Variants in TRDN observed in about 807,000 individuals in gnomAD.
The protein encoded by TRDN is triadin in skeletal muscle.
Under a neutral mutation model 149.7 loss-of-function variants are expected in TRDN, and 161 were observed. That is an observed-to-expected ratio of 1.08 (90% CI 0.95 to 1.23). The LOEUF (loss-of-function observed/expected upper bound fraction) is 1.23. TRDN is among the 50% of genes most tolerant of loss of function. The probability of loss-of-function intolerance (pLI) is 0.00; values close to 1 mark genes in which losing one functional copy is unlikely to be tolerated. For synonymous variants in TRDN, 294 were observed against 250.5 expected (o/e 1.17, Z -1.64); for missense variants, 896 against 823.5 (o/e 1.09, Z -1.08).
intron 38 of TRDN, among the ~76,000 whole-genome samples, chr6:123,247,825 A>G (rs1484269685): frequency 2.6e-5 from 4 of 152,196 alleles, no homozygotes; most frequent in Non-Finnish European, 5.9e-5. Flanking sequence ...AGCTTGAGGC[A>G]TCATGCTACC....
In TRDN at chr6:123,294,037, G is replaced by C. The variant is rs568736896; in HGVS notation, c.1511-14955C>G. 2.6e-5 allele frequency among the ~76,000 whole-genome samples: 4 copies of C among 152,218 alleles called. No individual in the cohort carries two copies. The South Asian group carries it at 8.3e-4, about 32-fold the overall frequency. On this transcript the variant is annotated intron_variant, in intron 24 of 40. Transcript: ENST00000334268. Reference sequence around the variant, plus strand: ...CCTAGAAACCTTAGCTACCAACACAGGTCAGGCATTAAAGGGAATTCAAGT... The same window carrying C: ...CCTAGAAACCTTAGCTACCAACACACGTCAGGCATTAAAGGGAATTCAAGT...
chr6:123,618,358 C>T (rs1252409786), intron 1 of TRDN, among the ~76,000 whole-genome samples: 1 of 152,108 alleles, frequency 6.6e-6, no homozygotes, highest in African/African-American at 2.4e-5. Context: ...TAGCTTCTTC[C>T]TCTATCTTCA....
At chr6:123,375,734 A>T in intron 18 of TRDN, 103 bp from the exon 19 acceptor site, 1 of 938,030 alleles carries the variant, frequency 1.1e-6, no homozygotes, top group East Asian at 3.1e-5. Context: ...GATTGTGTGT[A>T]TAATATTGGA....
At chr6:123,322,753 G>GAGT (rs1779291919) in intron 23 of TRDN, among the ~76,000 whole-genome samples, 2 of 151,640 alleles carry the variant, frequency 1.3e-5, no homozygotes, top group African/African-American at 2.4e-5. Flanking sequence ...CCATTCTCCT[G>GAGT]CCTCAGCCTC....
chr6:123,216,870 A>C lies in TRDN; in HGVS notation c.*1731T>G, dbSNP rs560234682. The C allele has an allele frequency of 3.3e-5, 5 of 152,134 alleles. No individual in the cohort carries two copies. The highest frequency in any genetic ancestry group is 1.2e-4 in the African/African-American group (5 of 41,564). The allele number at this position is 152,134 out of a possible 1,614,324, so 9.4% of individuals were successfully genotyped here. A position where few individuals can be genotyped will look rare whatever the true frequency, so the allele number is the denominator to read the frequency against. On this transcript the variant is annotated 3_prime_UTR_variant, in exon 41 of 41. Transcript: ENST00000334268. ...TCAATAAACAGTCATTGAATGAAAG[A>C]ATTAATGGACAAACCATTCTGTTCT...
In TRDN at chr6:123,358,197, T is replaced by C. The variant is rs1270514185; in HGVS notation, c.1322-5611A>G. 3.3e-5 allele frequency among the ~76,000 whole-genome samples: 5 copies of C among 152,010 alleles called. 1 individual carries two copies. The highest frequency in any genetic ancestry group is 2.0e-4 in the Admixed American group (3 of 15,262). On this transcript the variant is annotated intron_variant, in intron 20 of 40. Transcript: ENST00000334268. ...TAGAAGCGTATTTTAGAAAAAAAAA[T>C]AGATTCTTATTTCACTACTTCAGAA...
At chr6:123,385,377 G>C (rs900221831) in intron 14 of TRDN, among the ~76,000 whole-genome samples, 2 of 147,458 alleles carry the variant, frequency 1.4e-5, no homozygotes, top group Non-Finnish European at 1.5e-5. Flanking sequence ...GCAGTGAGCA[G>C]AGATTGTGCC....
chr6:123,341,858 A>ATAAGGT (rs1200438083), intron 21 of TRDN, among the ~76,000 whole-genome samples: 2 of 152,126 alleles, frequency 1.3e-5, no homozygotes, highest in East Asian at 3.9e-4. Context: ...AAACAGTGAC[A>ATAAGGT]TATACAAAGG....
intron 15 of TRDN, 24 bp downstream of exon 15, chr6:123,382,094 G>GA: frequency 4.8e-6 from 7 of 1,462,498 alleles, no homozygotes; most frequent in Non-Finnish European, 6.3e-6. Context: ...ACATAAGGCA[G>GA]AAAAAAAGAA....
chr6:123,452,517 T>TA (rs1775842021), intron 10 of TRDN, among the ~76,000 whole-genome samples: 2 of 146,876 alleles, frequency 1.4e-5, no homozygotes, highest in Non-Finnish European at 3.0e-5. Context: ...AAAAAAAACG[T>TA]AAGATAGTTA....
At chr6:123,403,350 T>G (rs1247167521) in intron 12 of TRDN, among the ~76,000 whole-genome samples, 1 of 152,038 alleles carries the variant, frequency 6.6e-6, no homozygotes, top group African/African-American at 2.4e-5. Context: ...AGGTGGACAG[T>G]AACAAAATAG....
chr6:123,538,324 C>A (rs751471676), intron 4 of TRDN, among the ~76,000 whole-genome samples: 2 of 152,106 alleles, frequency 1.3e-5, no homozygotes, highest in Non-Finnish European at 2.9e-5. Flanking sequence ...AACAGATGAA[C>A]AAGCAAATCT....
chr6:123,259,707 T>A (rs1460107932), intron 34 of TRDN, 45 bp from the exon 35 acceptor site: 1 of 1,372,394 alleles, frequency 7.3e-7, no homozygotes, highest in Admixed American at 2.4e-5. Context: ...TTAAAAAACA[T>A]GACTTTCTTA....
At chr6:123,332,585 A>G (rs1473232839) in intron 22 of TRDN, among the ~76,000 whole-genome samples, 1 of 152,152 alleles carries the variant, frequency 6.6e-6, no homozygotes, top group Non-Finnish European at 1.5e-5. Flanking sequence ...TATATGGTCA[A>G]TGTCTTTAAC....
At chr6:123,221,143 A>T (rs1189125240) in intron 40 of TRDN, among the ~76,000 whole-genome samples, 1 of 151,768 alleles carries the variant, frequency 6.6e-6, no homozygotes, top group African/African-American at 2.4e-5. Context: ...ATATAAAAAA[A>T]TTTGGCATAT....
intron 16 of TRDN, among the ~76,000 whole-genome samples, chr6:123,380,714 G>GTTT (rs34270959): frequency 0.15 from 17,962 of 117,618 alleles, 1,204 homozygotes; most frequent in Middle Eastern, 0.27. Context: ...AAGTTCAAGG[G>GTTT]TTTTTTTTTT....
intron 38 of TRDN, among the ~76,000 whole-genome samples, chr6:123,248,668 G>A (rs754740150): frequency 4.6e-5 from 7 of 151,944 alleles, no homozygotes; most frequent in Non-Finnish European, 7.4e-5. Flanking sequence ...CACCAAGATC[G>A]AATCAAGAAG....
chr6:123,260,719 A>C, intron 33 of TRDN, 81 bp from the exon 34 acceptor site: 1 of 1,104,678 alleles, frequency 9.1e-7, no homozygotes, highest in Non-Finnish European at 1.2e-6. Flanking sequence ...ATTCAGTAGC[A>C]AACAATTGAA....
chr6:123,539,990 T>A (rs1464132808), intron 4 of TRDN, among the ~76,000 whole-genome samples: 2 of 152,340 alleles, frequency 1.3e-5, no homozygotes, highest in East Asian at 3.9e-4. Context: ...TGGGAGGTAA[T>A]CTAGAATTCT....
Sources: allele counts gnomAD v4.1 joint callset (sites outside exome capture counted in the v4.1 genomes callset), GRCh38; gene constraint gnomAD v4.1.1; transcripts MANE v1.5; gene names NCBI Gene and HGNC (gene_info 2026-07-23, HGNC 2026-07-21).